RBFOX1: variants seen among roughly 807,000 people sequenced by gnomAD.
RBFOX1 encodes RNA binding fox-1 homolog 1.
Under a neutral mutation model 57.7 loss-of-function variants are expected in RBFOX1, and 8 were observed. That is an observed-to-expected ratio of 0.14 (90% confidence interval 0.08 to 0.25). The LOEUF is 0.25. RBFOX1 is among the 10% of genes least tolerant of loss of function. RBFOX1 has a pLI of 1.00. For synonymous variants in RBFOX1, 326 were observed against 222.4 expected, an observed-to-expected ratio of 1.47 and a Z score of -4.15; for missense variants, 611 against 548.5, an observed-to-expected ratio of 1.11 and a Z score of -1.14.
intron 3 of RBFOX1, among the ~76,000 whole-genome samples, chr16:6,944,860 A>T (rs79472542): frequency 6.6e-6 from 1 of 152,152 alleles, no homozygotes; most frequent in Non-Finnish European, 1.5e-5. Flanking sequence ...AGCAACTCCA[A>T]TTGATTGATG....
intron 4 of RBFOX1, among the ~76,000 whole-genome samples, chr16:7,303,499 G>A (rs1175082217): frequency 1.3e-5 from 2 of 152,236 alleles, no homozygotes; most frequent in Non-Finnish European, 2.9e-5. Flanking sequence ...CGGGGCGCTC[G>A]CTCGCCTGCT....
intron 2 of RBFOX1, among the ~76,000 whole-genome samples, chr16:5,532,001 T>C (rs926609617): frequency 6.6e-6 from 1 of 152,186 alleles, no homozygotes; most frequent in Non-Finnish European, 1.5e-5. Context: ...AGTTTCACCT[T>C]GTTGGCCAGG....
chr16:7,158,123 C>T (rs763719911), intron 4 of RBFOX1, among the ~76,000 whole-genome samples: 77 of 151,942 alleles, frequency 5.1e-4, no homozygotes, highest in Non-Finnish European at 8.7e-4. Flanking sequence ...ACAAGGTGGG[C>T]GGATCACAAG....
chr16:6,642,387 C>T (rs777677683), intron 2 of RBFOX1, among the ~76,000 whole-genome samples: 5 of 152,134 alleles, frequency 3.3e-5, no homozygotes, highest in Admixed American at 6.5e-5. Context: ...CAATGCATAG[C>T]TCTTATTTGC....
chr16:7,016,449 C>G (rs377257216), intron 3 of RBFOX1, among the ~76,000 whole-genome samples: 3 of 152,142 alleles, frequency 2.0e-5, no homozygotes, highest in Admixed American at 6.5e-5. Flanking sequence ...GCTCATGTTT[C>G]TCACTTGTTT....
intron 1 of RBFOX1, chr16:6,092,700 G>C (rs557909570): frequency 1.3e-5 from 2 of 152,054 alleles, no homozygotes; most frequent in African/African-American, 4.8e-5. Flanking sequence ...GATGGTTATT[G>C]GTGTGTGGCA....
intron 3 of RBFOX1, among the ~76,000 whole-genome samples, chr16:6,728,127 G>C (rs903425804): frequency 6.6e-6 from 1 of 152,156 alleles, no homozygotes; most frequent in Admixed American, 6.5e-5. Flanking sequence ...TTTATCATTA[G>C]TTTTGACTTT....
intron 4 of RBFOX1, among the ~76,000 whole-genome samples, chr16:5,927,990 G>C (rs1316545457): frequency 6.6e-6 from 1 of 152,228 alleles, no homozygotes; most frequent in Non-Finnish European, 1.5e-5. Flanking sequence ...GTTTTGGTTA[G>C]ACAAGAGGAA....
intron 3 of RBFOX1, among the ~76,000 whole-genome samples, chr16:5,742,431 T>C (rs1337924689): frequency 1.3e-5 from 2 of 152,082 alleles, no homozygotes; most frequent in Admixed American, 6.6e-5. Flanking sequence ...AGTGCTTTTA[T>C]AGCGGATTTA....
intron 5 of RBFOX1, among the ~76,000 whole-genome samples, chr16:7,540,336 T>A (rs778105103): frequency 1.3e-5 from 2 of 152,208 alleles, no homozygotes; most frequent in Non-Finnish European, 2.9e-5. Context: ...TGGCACCATG[T>A]CGGCAATGTG....
At chr16:6,720,136 T>G (rs2065686121) in intron 3 of RBFOX1, among the ~76,000 whole-genome samples, 1 of 152,046 alleles carries the variant, frequency 6.6e-6, no homozygotes, top group South Asian at 2.1e-4. Context: ...AAAATGTTAG[T>G]AAAGTGCATG....
At chr16:5,468,846 A>G (rs376980632) in intron 2 of RBFOX1, among the ~76,000 whole-genome samples, 81 of 152,322 alleles carry the variant, frequency 5.3e-4, no homozygotes, top group African/African-American at 1.8e-3. Flanking sequence ...AAGTTGTGAG[A>G]TCCTGGGAGA....
chr16:5,952,656 A>C (rs1342678115), intron 4 of RBFOX1, among the ~76,000 whole-genome samples: 1 of 152,158 alleles, frequency 6.6e-6, no homozygotes, highest in Non-Finnish European at 1.5e-5. Context: ...TGATGGGTGT[A>C]GCTGTAATTA....
intron 4 of RBFOX1, among the ~76,000 whole-genome samples, chr16:5,937,581 A>G (rs1490683544): frequency 4.0e-5 from 6 of 151,074 alleles, no homozygotes; most frequent in African/African-American, 1.2e-4. Flanking sequence ...TTATTTATAT[A>G]TAACTATATG....
rs969023706 is a variant in RBFOX1, at chr16:7,712,099, G to C, written c.*1354G>C. 1 of 152,518 alleles carries C rather than the reference G, an allele frequency of 6.6e-6. No homozygotes were observed. The highest frequency in any genetic ancestry group is 1.9e-4 in the East Asian group (1 of 5,186). The allele number at this position is 152,518 out of a possible 1,614,324, so 9.4% of individuals were successfully genotyped here. A position where few individuals can be genotyped will look rare whatever the true frequency, so the allele number is the denominator to read the frequency against. ...GTCTCCCCACCTTTCTCGGATGCAG[G>C]GCCAGAGTGACACAGCCGAAAAATT... On this transcript the variant is annotated 3_prime_UTR_variant, in exon 16 of 16. Coordinates refer to ENST00000550418, the MANE Select transcript of RBFOX1 (RefSeq NM_018723.4).
intron 5 of RBFOX1, among the ~76,000 whole-genome samples, chr16:7,548,710 G>A (rs1026084217): frequency 7.9e-5 from 12 of 152,128 alleles, no homozygotes; most frequent in African/African-American, 1.9e-4. Context: ...ATCTCCCATC[G>A]CCTGGGAGCA....
At chr16:7,321,411 G>T (rs1416698857) in intron 4 of RBFOX1, among the ~76,000 whole-genome samples, 1 of 152,160 alleles carries the variant, frequency 6.6e-6, no homozygotes, top group Non-Finnish European at 1.5e-5. Flanking sequence ...CTCCCAAAGT[G>T]CTGGGATTAC....
chr16:7,319,541 A>G (rs1302255673), intron 4 of RBFOX1, among the ~76,000 whole-genome samples: 1 of 152,162 alleles, frequency 6.6e-6, no homozygotes, highest in Non-Finnish European at 1.5e-5. Context: ...ATGGCTCTGC[A>G]GCAGTGGGAT....
chr16:6,543,315 T>C (rs1010221809), intron 2 of RBFOX1, among the ~76,000 whole-genome samples: 1 of 152,124 alleles, frequency 6.6e-6, no homozygotes, highest in African/African-American at 2.4e-5. Flanking sequence ...TGAGACTCTT[T>C]ACTGCTTGTG....
Sources: allele counts gnomAD v4.1 joint callset (sites outside exome capture counted in the v4.1 genomes callset), GRCh38; gene constraint gnomAD v4.1.1; transcripts MANE v1.5; gene names NCBI Gene and HGNC (gene_info 2026-07-23, HGNC 2026-07-21).